CLSTN2: variants seen among roughly 807,000 people sequenced by gnomAD.
CLSTN2 encodes calsyntenin 2.
Under a neutral mutation model 101.2 loss-of-function variants are expected in CLSTN2, and 48 were observed. The ratio of observed to expected loss-of-function variants is 0.47; its 90% CI spans 0.38 to 0.60. CLSTN2 has a LOEUF of 0.60. CLSTN2 is among the 20% of genes least tolerant of loss of function. The probability of loss-of-function intolerance (pLI) is 0.00; values close to 1 mark genes in which losing one functional copy is unlikely to be tolerated. For synonymous variants in CLSTN2, 481 were observed against 463.6 expected (o/e 1.04, Z -0.48); for missense variants, 1,160 against 1,238.2 (o/e 0.94, Z 0.95).
At chr3:140,312,284 T>C (rs1227205867) in intron 2 of CLSTN2, among the ~76,000 whole-genome samples, 1 of 152,244 alleles carries the variant, frequency 6.6e-6, no homozygotes, top group African/African-American at 2.4e-5. Flanking sequence ...CCTTTTGGCA[T>C]GTATGGATTC....
At chr3:140,499,965 G>C (rs981150372) in intron 8 of CLSTN2, among the ~76,000 whole-genome samples, 1 of 152,098 alleles carries the variant, frequency 6.6e-6, no homozygotes, top group Admixed American at 6.5e-5. Flanking sequence ...TACTCAGAAG[G>C]CTGAGGCGGG....
At chr3:139,974,388 T>A (rs1408540534) in intron 1 of CLSTN2, among the ~76,000 whole-genome samples, 1 of 152,142 alleles carries the variant, frequency 6.6e-6, no homozygotes, top group East Asian at 1.9e-4. Flanking sequence ...TGCCCACATC[T>A]AGAAGTGGTC....
intron 1 of CLSTN2, among the ~76,000 whole-genome samples, chr3:140,053,949 G>C (rs2008050016): frequency 6.6e-6 from 1 of 152,198 alleles, no homozygotes; most frequent in Non-Finnish European, 1.5e-5. Context: ...ATGTTTGCCA[G>C]TTGCCATCTC....
At chr3:140,553,247 C>T (rs987113892) in intron 10 of CLSTN2, among the ~76,000 whole-genome samples, 3 of 152,210 alleles carry the variant, frequency 2.0e-5, no homozygotes, top group Non-Finnish European at 4.4e-5. Flanking sequence ...CACAAAGACT[C>T]AGTGCTGGCA....
intron 2 of CLSTN2, among the ~76,000 whole-genome samples, chr3:140,195,607 T>A (rs1392959379): frequency 9.2e-5 from 14 of 152,222 alleles, no homozygotes; most frequent in Admixed American, 9.2e-4. Context: ...GATCTTGTCA[T>A]TTTCCAGAAG....
chr3:139,968,598 C>T (rs1935643233), intron 1 of CLSTN2, among the ~76,000 whole-genome samples: 1 of 152,226 alleles, frequency 6.6e-6, no homozygotes. Flanking sequence ...TGATCTTGGA[C>T]ATCCTAGTCT....
chr3:140,218,865 G>C (rs1005591270), intron 2 of CLSTN2, among the ~76,000 whole-genome samples: 5 of 152,126 alleles, frequency 3.3e-5, no homozygotes, highest in African/African-American at 1.2e-4. Flanking sequence ...TATAGAAGCA[G>C]CTTTCACAAA....
At position 140,306,848 on chromosome 3, in the gene CLSTN2, T is replaced by TTTTTTATTA. The variant is rs767586358; in HGVS notation, c.233-96779_233-96778insTTTATTATT. Among the ~76,000 whole-genome samples the TTTTTTATTA allele has an allele frequency of 2.5e-3, 355 of 141,956 alleles. 1 individual carries two copies. Among genetic ancestry groups the TTTTTTATTA allele is most frequent in the Non-Finnish European group, 4.2e-3 (276 of 65,812 alleles). 93.1% of individuals were successfully genotyped at this position (141,956 alleles called of 152,430 possible). On this transcript the variant is annotated intron_variant, in intron 2 of 16. Transcript: ENST00000458420. Reference sequence around the variant, plus strand: ...GTGTTCTGGGATCCATTTTTGTCTTTTTATTATTATTATTATTATTATTAT... The same window carrying TTTTTTATTA: ...GTGTTCTGGGATCCATTTTTGTCTTTTTTTTATTATTATTATTATTATTATTATTATTAT...
intron 11 of CLSTN2, among the ~76,000 whole-genome samples, chr3:140,557,565 G>A (rs562817879): frequency 1.3e-5 from 2 of 152,292 alleles, no homozygotes; most frequent in East Asian, 3.9e-4. Flanking sequence ...CGGGAGTGCT[G>A]TGGGGTTGGC....
rs761303616 is a variant in CLSTN2, at chr3:140,576,518, C to A, written c.*10265C>A. On this transcript the variant is annotated 3_prime_UTR_variant, in exon 17 of 17. Coordinates refer to ENST00000458420, the MANE Select transcript of CLSTN2 (RefSeq NM_022131.3). ...CTTCTCCCTTGTCTGGAGCTGCCAC[C>A]GCCATTTAAAAGTGTTGGACGCTGT... is the stretch of plus-strand genomic sequence containing the variant. 6.6e-6 allele frequency: 1 copy of A among 152,264 alleles called. No homozygotes were observed. The highest frequency in any genetic ancestry group is 1.5e-5 in the Non-Finnish European group (1 of 68,048). The allele number at this position is 152,264 out of a possible 1,614,324, so 9.4% of individuals were successfully genotyped here. A position where few individuals can be genotyped will look rare whatever the true frequency, so the allele number is the denominator to read the frequency against.
intron 1 of CLSTN2, among the ~76,000 whole-genome samples, chr3:140,149,860 T>C (rs2009835427): frequency 1.3e-5 from 2 of 152,286 alleles, no homozygotes; most frequent in South Asian, 4.1e-4. Context: ...GTGTCCTGTA[T>C]TTTTATTTTC....
chr3:140,066,188 G>C (rs1392339319), intron 1 of CLSTN2, among the ~76,000 whole-genome samples: 1 of 152,208 alleles, frequency 6.6e-6, no homozygotes, highest in African/African-American at 2.4e-5. Context: ...AATGCAGACA[G>C]AATATTTTGT....
intron 2 of CLSTN2, among the ~76,000 whole-genome samples, chr3:140,249,448 C>G (rs757133807): frequency 6.6e-6 from 1 of 152,138 alleles, no homozygotes; most frequent in Non-Finnish European, 1.5e-5. Flanking sequence ...GAGGAAATGA[C>G]AAGGCAAGGT....
intron 10 of CLSTN2, among the ~76,000 whole-genome samples, chr3:140,550,006 T>C (rs1935674655): frequency 6.6e-6 from 1 of 150,420 alleles, no homozygotes; most frequent in African/African-American, 2.5e-5. Context: ...TCCTGAGTAA[T>C]ACCCTGTTCT....
At chr3:140,531,752 T>C (rs1312373421) in intron 8 of CLSTN2, among the ~76,000 whole-genome samples, 1 of 152,164 alleles carries the variant, frequency 6.6e-6, no homozygotes. Context: ...CCCTTGAGGT[T>C]AAGAATTGTG....
At chr3:140,075,774 C>T (rs182087126) in intron 1 of CLSTN2, among the ~76,000 whole-genome samples, 61 of 152,158 alleles carry the variant, frequency 4.0e-4, no homozygotes, top group Middle Eastern at 3.4e-3. Flanking sequence ...CTACCTTCTC[C>T]GCATGGCACA....
chr3:140,466,597 T>A lies in CLSTN2; in HGVS notation c.1223-13T>A, dbSNP rs769496426. ...GGTTCTCTCACTCTTCAAACCTTCTTTCTGCTTTTCAGAAATGAACCGGCA... is the reference window on the plus strand; with the variant it reads ...GGTTCTCTCACTCTTCAAACCTTCTATCTGCTTTTCAGAAATGAACCGGCA... On this transcript the variant is annotated splice_polypyrimidine_tract_variant and intron_variant, in intron 7 of 16. Transcript: ENST00000458420. 6.2e-7 allele frequency: 1 copy of A among 1,613,962 alleles called. No individual in the cohort carries two copies. The highest frequency in any genetic ancestry group is 8.5e-7 in the Non-Finnish European group (1 of 1,179,964).
intron 1 of CLSTN2, among the ~76,000 whole-genome samples, chr3:140,066,680 C>T (rs10513099): frequency 0.038 from 5,761 of 152,220 alleles, 139 homozygotes; most frequent in Middle Eastern, 0.071. Flanking sequence ...CTTAGGCTCC[C>T]GATATATTAA....
chr3:140,039,791 G>A (rs1053386928), intron 1 of CLSTN2, among the ~76,000 whole-genome samples: 10 of 152,106 alleles, frequency 6.6e-5, no homozygotes, highest in Non-Finnish European at 1.3e-4. Context: ...GCATGCATAT[G>A]TGTATAAATA....
Sources: gnomAD v4.1 joint callset for allele counts (sites outside exome capture counted in the v4.1 genomes callset) on GRCh38, gnomAD v4.1.1 for gene constraint, MANE v1.5 for transcripts, NCBI Gene and HGNC (gene_info 2026-07-23, HGNC 2026-07-21) for gene names.